FOXK2: variants seen among roughly 807,000 people sequenced by gnomAD.
The protein encoded by FOXK2 is forkhead box K2, also known as forkhead box protein K2.
In FOXK2, 24 loss-of-function variants were observed where a neutral mutation model predicts 53.3. That is an observed-to-expected ratio of 0.45 (90% confidence interval 0.33 to 0.63). FOXK2 has a LOEUF of 0.63. FOXK2 is among the 30% of genes least tolerant of loss of function. The pLI is 0.03. For missense variants in FOXK2, 952 were observed against 910.5 expected, an observed-to-expected ratio of 1.05 and a Z score of -0.59; for synonymous variants, 505 against 407.1, an observed-to-expected ratio of 1.24 and a Z score of -2.89.
chr17:82,570,046 T>C (rs570352835), intron 3 of FOXK2, among the ~76,000 whole-genome samples: 108 of 146,254 alleles, frequency 7.4e-4, no homozygotes, highest in East Asian at 1.6e-3. Flanking sequence ...CACGGTGAAA[T>C]CCCGTCTGTA....
At chr17:82,536,602 A>T (rs1365259477) in intron 1 of FOXK2, among the ~76,000 whole-genome samples, 1 of 152,216 alleles carries the variant, frequency 6.6e-6, no homozygotes, top group Admixed American at 6.5e-5. Context: ...GTCTTTACGA[A>T]CTGGCTCTGT....
chr17:82,598,571 G>A (rs2045343708), intron 8 of FOXK2, among the ~76,000 whole-genome samples: 1 of 152,234 alleles, frequency 6.6e-6, no homozygotes, highest in Admixed American at 6.5e-5. Context: ...TTCTTCCTGT[G>A]TGCTCACGTG....
At chr17:82,555,885 CAAAAAAAAAAAAAAA>C (rs71168116) in intron 1 of FOXK2, among the ~76,000 whole-genome samples, 16 of 74,208 alleles carry the variant, frequency 2.2e-4, no homozygotes, top group Admixed American at 7.2e-4. Flanking sequence ...GACTCTATCA[CAAAAAAAAAAAAAAA>C]AAAAAAAAAA....
chr17:82,524,995 T>A (rs1278408202), intron 1 of FOXK2, among the ~76,000 whole-genome samples: 5 of 150,820 alleles, frequency 3.3e-5, no homozygotes, highest in Admixed American at 6.6e-5. Context: ...TTTTTTTTTT[T>A]AAATCGGTCT....
chr17:82,597,054 G>A (rs760279288), intron 8 of FOXK2, among the ~76,000 whole-genome samples: 4 of 152,178 alleles, frequency 2.6e-5, no homozygotes, highest in Non-Finnish European at 5.9e-5. Flanking sequence ...GCCTCTGGGT[G>A]TGCCCAGGGG....
At chr17:82,576,843 C>A (rs542799204) in intron 4 of FOXK2, 115 of 544,344 alleles carry the variant, frequency 2.1e-4, no homozygotes, top group Admixed American at 1.1e-3. Flanking sequence ...AGCAGCTGTT[C>A]TTCAATATAT....
At position 82,546,114 on chromosome 17, in the gene FOXK2, G is replaced by GTTTT. The variant is rs531735206; in HGVS notation, c.420-17223_420-17220dup. ...GCTTACTTGCTACCAAGCATGGTTG[G>GTTTT]TTTTTTTTTTTTTTTTTTTTGAGAT... On this transcript the variant is annotated intron_variant, in intron 1 of 8. Coordinates refer to ENST00000335255, the MANE Select transcript of FOXK2 (RefSeq NM_004514.4). 2.5e-3 allele frequency among the ~76,000 whole-genome samples: 255 copies of GTTTT among 101,700 alleles called. 16 individuals carry two copies. The highest frequency in any genetic ancestry group is 4.9e-3 in the African/African-American group (125 of 25,562). 66.7% of individuals were successfully genotyped at this position (101,700 alleles called of 152,430 possible). A position where few individuals can be genotyped will look rare whatever the true frequency, so the allele number is the denominator to read the frequency against.
chr17:82,568,338 T>A (rs1016837260), intron 3 of FOXK2, 137 bp downstream of exon 3: 10 of 1,037,704 alleles, frequency 9.6e-6, no homozygotes, highest in Non-Finnish European at 1.3e-5. Flanking sequence ...TGGGCTTGAT[T>A]CTGGTGTTGC....
intron 4 of FOXK2, among the ~76,000 whole-genome samples, chr17:82,577,780 C>T (rs2045007165): frequency 6.6e-6 from 1 of 152,106 alleles, no homozygotes; most frequent in Admixed American, 6.6e-5. Context: ...CTCTGTTGCC[C>T]AGGCTGGAGT....
At chr17:82,588,384 GGGAGGGCTGGCGATT>G in intron 8 of FOXK2, 1 of 160,042 alleles carries the variant, frequency 6.2e-6, no homozygotes, top group South Asian at 1.5e-4. Context: ...GATGGAAGCC[GGGAGGGCTGGCGATT>G]GGAGGGCAGG....
intron 4 of FOXK2, among the ~76,000 whole-genome samples, chr17:82,572,476 T>C (rs2044929163): frequency 6.9e-6 from 1 of 143,966 alleles, no homozygotes; most frequent in Admixed American, 7.2e-5. Context: ...TTTGGTCAGC[T>C]CACACACCAA....
At chr17:82,564,515 T>C (rs1109123) in intron 2 of FOXK2, among the ~76,000 whole-genome samples, 66,901 of 151,632 alleles carry the variant, frequency 0.44, 14,948 homozygotes, top group South Asian at 0.56. Context: ...GGACAACAGA[T>C]GTGCTCCACT....
At chr17:82,559,462 G>C (rs1356474809) in intron 1 of FOXK2, 2 of 456,238 alleles carry the variant, frequency 4.4e-6, no homozygotes, top group African/African-American at 2.0e-5. Flanking sequence ...GAACCCCTGG[G>C]TTTTAAGCCG....
chr17:82,579,147 C>T, intron 4 of FOXK2, among the ~76,000 whole-genome samples: 1 of 152,178 alleles, frequency 6.6e-6, no homozygotes, highest in East Asian at 1.9e-4. Context: ...TTGCCATTTG[C>T]ACTGCTTGAG....
Position 82,601,386 on chromosome 17 carries a change from C to T in FOXK2, c.1870C>T (p.Pro624Ser), listed in dbSNP as rs1000792254. The T allele has an allele frequency of 1.9e-6, 3 of 1,613,282 alleles. No homozygotes were observed. Among genetic ancestry groups the T allele is most frequent in the Non-Finnish European group, 1.7e-6 (2 of 1,180,022 alleles). The change falls in exon 9 of 9, where the codon CCG becomes TCG. Residue 624 changes from proline (P) to serine (S), a missense_variant. Around this residue, in one of 5 missense-constraint regions of FOXK2, gnomAD observed 551 missense variants for 385.1 expected, o/e 1.43. Transcript: ENST00000335255. ...CACAAAGCGCCACAACGGTGACCAG[C>T]CGGAGCAGCCGGAGCTGAAGCGGAT... ...LPTKRHNGDQPEQPELKRIKT... is the reference protein window; with the variant it reads ...LPTKRHNGDQSEQPELKRIKT...
intron 1 of FOXK2, among the ~76,000 whole-genome samples, chr17:82,548,541 A>G (rs993278857): frequency 1.2e-4 from 18 of 152,186 alleles, no homozygotes; most frequent in Non-Finnish European, 2.6e-4. Context: ...GTCCTTTGTG[A>G]GATAGGTGTA....
intron 1 of FOXK2, among the ~76,000 whole-genome samples, chr17:82,521,962 A>G (rs2044367309): frequency 6.6e-6 from 1 of 151,538 alleles, no homozygotes; most frequent in African/African-American, 2.4e-5. Flanking sequence ...TTTTCAAATG[A>G]AAATGCTATT....
chr17:82,591,398 T>TC (rs2045251839), intron 8 of FOXK2, among the ~76,000 whole-genome samples: 1 of 152,010 alleles, frequency 6.6e-6, no homozygotes, highest in South Asian at 2.1e-4. Flanking sequence ...TGCTCCTGTG[T>TC]CCCCTGCTCT....
In FOXK2 at chr17:82,597,088, C is replaced by T. The variant is rs375036829; in HGVS notation, c.1787-4215C>T. Among the ~76,000 whole-genome samples the T allele has an allele frequency of 8.5e-5, 13 of 152,294 alleles. No homozygotes were observed. In the East Asian group the frequency reaches 1.2e-3, roughly 14 times the overall value. ...GGCAGGGTCGCCTCCAGGCCCCACGCGCTAAGCCGTGACTCCCTGTAACAC... is the reference window on the plus strand; with the variant it reads ...GGCAGGGTCGCCTCCAGGCCCCACGTGCTAAGCCGTGACTCCCTGTAACAC... On this transcript the variant is annotated intron_variant, in intron 8 of 8. Transcript: ENST00000335255.
Sources: gnomAD v4.1 joint callset for allele counts (sites outside exome capture counted in the v4.1 genomes callset) on GRCh38, gnomAD v4.1.1 for gene constraint, gnomAD v4.1.1 regional missense constraint, MANE v1.5 for transcripts, NCBI Gene and HGNC (gene_info 2026-07-23, HGNC 2026-07-21) for gene names.